The following IFTAP variants were observed in gnomAD, a reference collection of about 807,000 sequenced individuals.
IFTAP encodes intraflagellar transport-associated protein.
Under a neutral mutation model 19.4 loss-of-function variants are expected in IFTAP, and 19 were observed. The ratio of observed to expected loss-of-function variants is 0.98; its 90% confidence interval spans 0.68 to 1.44. The LOEUF (loss-of-function observed/expected upper bound fraction) is 1.44. Ranked by LOEUF, IFTAP falls within the 40% of genes most tolerant of loss-of-function variation. IFTAP has a pLI of 0.00. For missense variants in IFTAP, 240 were observed against 253.6 expected (o/e 0.95, Z 0.36); for synonymous variants, 85 against 83.5 (o/e 1.02, Z -0.10).
chr11:36,658,813 G>A (rs1396203609), intron 5 of IFTAP, among the ~76,000 whole-genome samples: 2 of 152,050 alleles, frequency 1.3e-5, no homozygotes, highest in Admixed American at 6.6e-5. Context: ...GATAGAGCAT[G>A]GTACAAATGG....
chr11:36,655,568 A>G (rs1167444983), intron 5 of IFTAP, among the ~76,000 whole-genome samples: 2 of 152,186 alleles, frequency 1.3e-5, no homozygotes, highest in Non-Finnish European at 2.9e-5. Flanking sequence ...AAATATCTCA[A>G]TGATTGCAGG....
chr11:36,653,101 C>T (rs1853816670), intron 5 of IFTAP, among the ~76,000 whole-genome samples: 1 of 152,046 alleles, frequency 6.6e-6, no homozygotes, highest in Admixed American at 6.6e-5. Context: ...TAAAAATTTT[C>T]ACCTATAAAG....
intron 4 of IFTAP, among the ~76,000 whole-genome samples, chr11:36,645,866 G>A (rs565289668): frequency 2.0e-5 from 3 of 152,246 alleles, no homozygotes; most frequent in South Asian, 2.1e-4. Context: ...AGGCAGACTC[G>A]ATACTTGCTG....
At chr11:36,612,260 C>T (rs576058985) in intron 2 of IFTAP, among the ~76,000 whole-genome samples, 1 of 151,420 alleles carries the variant, frequency 6.6e-6, no homozygotes, top group East Asian at 1.9e-4. Flanking sequence ...ACATAAACTG[C>T]ATCTCCAAGC....
chr11:36,630,352 A>T (rs564331913), intron 2 of IFTAP, among the ~76,000 whole-genome samples: 22 of 151,548 alleles, frequency 1.5e-4, no homozygotes, highest in Non-Finnish European at 2.4e-4. Flanking sequence ...TCTGAAGTTT[A>T]GGAAGGAGCC....
At chr11:36,651,897 G>T (rs934718462) in intron 5 of IFTAP, among the ~76,000 whole-genome samples, 7 of 152,130 alleles carry the variant, frequency 4.6e-5, no homozygotes, top group African/African-American at 1.7e-4. Context: ...GCTCTGTTCT[G>T]TTCCTTTGGT....
intron 4 of IFTAP, among the ~76,000 whole-genome samples, chr11:36,642,229 C>G (rs913721757): frequency 2.6e-5 from 4 of 152,110 alleles, no homozygotes; most frequent in African/African-American, 9.7e-5. Flanking sequence ...CTATAAACAC[C>G]TCTACACAAA....
At chr11:36,641,927 C>T (rs1853223005) in intron 4 of IFTAP, among the ~76,000 whole-genome samples, 1 of 152,224 alleles carries the variant, frequency 6.6e-6, no homozygotes, top group South Asian at 2.1e-4. Context: ...TTGTAGGTCT[C>T]TAAGGACTTG....
At chr11:36,607,926 G>A (rs1590200924) in intron 1 of IFTAP, among the ~76,000 whole-genome samples, 1 of 152,130 alleles carries the variant, frequency 6.6e-6, no homozygotes, top group African/African-American at 2.4e-5. Context: ...ACCTGCCTTG[G>A]CCTCCCAAAG....
chr11:36,657,999 A>G (rs1016284869), intron 5 of IFTAP, among the ~76,000 whole-genome samples: 15 of 152,242 alleles, frequency 9.9e-5, no homozygotes, highest in African/African-American at 3.1e-4. Context: ...TGGAACAGAT[A>G]GGAGATAACT....
intron 1 of IFTAP, chr11:36,595,013 G>A (rs1328088807): frequency 6.6e-6 from 1 of 152,150 alleles, no homozygotes; most frequent in Admixed American, 6.5e-5. Flanking sequence ...TAGAGTGCAG[G>A]GGAGACATTG....
intron 5 of IFTAP, among the ~76,000 whole-genome samples, chr11:36,648,741 T>C (rs1853591410): frequency 6.6e-6 from 1 of 152,078 alleles, no homozygotes; most frequent in African/African-American, 2.4e-5. Flanking sequence ...TCATCGTACC[T>C]GGAGGGGAGG....
chr11:36,623,832 G>A (rs1262159868), intron 2 of IFTAP, among the ~76,000 whole-genome samples: 2 of 150,550 alleles, frequency 1.3e-5, no homozygotes, highest in Non-Finnish European at 3.0e-5. Context: ...TTTCGTACAC[G>A]AAGGTACTTG....
At chr11:36,636,942 A>T (rs1188630282) in intron 4 of IFTAP, among the ~76,000 whole-genome samples, 7 of 141,118 alleles carry the variant, frequency 5.0e-5, no homozygotes, top group East Asian at 4.1e-4. Context: ...TTTTTTTTTT[A>T]AACACTCATT....
At chr11:36,621,129 G>A (rs1442978642) in intron 2 of IFTAP, among the ~76,000 whole-genome samples, 3 of 151,790 alleles carry the variant, frequency 2.0e-5, no homozygotes, top group East Asian at 1.9e-4. Flanking sequence ...ATTTTTATTC[G>A]TTGTTGCTAA....
intron 5 of IFTAP, among the ~76,000 whole-genome samples, chr11:36,648,500 C>A (rs905402431): frequency 6.6e-6 from 1 of 151,338 alleles, no homozygotes; most frequent in African/African-American, 2.4e-5. Context: ...GTTCTATAAA[C>A]TTTTGAATTA....
chr11:36,647,220 T>C (rs1217143337), intron 4 of IFTAP, among the ~76,000 whole-genome samples: 1 of 152,104 alleles, frequency 6.6e-6, no homozygotes, highest in Non-Finnish European at 1.5e-5. Flanking sequence ...CTCCAAGTTA[T>C]TGGCTAGCTC....
chr11:36,656,143 G>T (rs553540774), intron 5 of IFTAP, among the ~76,000 whole-genome samples: 4 of 152,302 alleles, frequency 2.6e-5, no homozygotes, highest in Admixed American at 2.6e-4. Flanking sequence ...GGCCGTGGGA[G>T]CCCTGATCAG....
At chr11:36,657,037 A>T (rs1169720873) in intron 5 of IFTAP, among the ~76,000 whole-genome samples, 2 of 152,150 alleles carry the variant, frequency 1.3e-5, no homozygotes, top group East Asian at 3.9e-4. Flanking sequence ...TAGGGGACAC[A>T]TGCAGGTATA....
Sources: allele counts gnomAD v4.1 joint callset (sites outside exome capture counted in the v4.1 genomes callset), GRCh38; gene constraint gnomAD v4.1.1; transcripts MANE v1.5; gene names NCBI Gene and HGNC (gene_info 2026-07-23, HGNC 2026-07-21).